JAKMIP1: variants seen among roughly 807,000 people sequenced by gnomAD.
JAKMIP1 encodes the protein janus kinase and microtubule-interacting protein 1.
JAKMIP1 carries 33 observed loss-of-function variants against 113.0 expected under a neutral mutation model. The ratio of observed to expected loss-of-function variants is 0.29; its 90% CI spans 0.22 to 0.39. JAKMIP1 has a LOEUF of 0.39. Among genes scored for constraint, JAKMIP1 ranks in the 10% least tolerant of loss-of-function variants. The pLI, the probability that JAKMIP1 is intolerant of heterozygous loss-of-function variation, is 1.00. For missense variants in JAKMIP1, 813 were observed against 1,080.5 expected (o/e 0.75, Z 3.47); for synonymous variants, 480 against 459.9 (o/e 1.04, Z -0.56).
At chr4:6,045,014 G>C (rs1277270675) in intron 16 of JAKMIP1, among the ~76,000 whole-genome samples, 1 of 152,238 alleles carries the variant, frequency 6.6e-6, no homozygotes, top group Admixed American at 6.5e-5. Context: ...GCATGCTGCA[G>C]GGTGGGGGCT....
Position 6,049,981 on chromosome 4 carries a change from C to A in JAKMIP1, c.1909-109G>T. On this transcript the variant is annotated intron_variant, in intron 14 of 20. Coordinates refer to ENST00000409021, the MANE Select transcript of JAKMIP1 (RefSeq NM_001099433.2). This position sits in a 1 kb window ranked among gnomAD's most constrained non-coding sequence, Gnocchi z 7.0. ...GACAAGACACCGCGCTCTTTCTTTT[C>A]TTTTCTGGCCAAGTTTTGCGCCCAG... 2 of 752,976 alleles carry A rather than the reference C, an allele frequency of 2.7e-6. No homozygotes were observed. The allele number at this position is 752,976 out of a possible 1,614,324, so 46.6% of individuals were successfully genotyped here. A position where few individuals can be genotyped will look rare whatever the true frequency, so the allele number is the denominator to read the frequency against.
chr4:6,181,784 C>T lies in JAKMIP1; in HGVS notation c.-148+18469G>A, dbSNP rs920292179. On this transcript the variant is annotated intron_variant, in intron 1 of 20. Transcript: ENST00000409021. The surrounding 1 kb of genome is among the most constrained non-coding windows in gnomAD (Gnocchi z 5.4). ...TGTGCTGAGCCTCAAACATGAATCT[C>T]ACACAGCCCCTTCCCTCACAGAGCT... Among the ~76,000 whole-genome samples the T allele has an allele frequency of 6.6e-6, 1 of 152,184 alleles. No homozygotes were observed. Among genetic ancestry groups the T allele is most frequent in the Non-Finnish European group, 1.5e-5 (1 of 68,032 alleles).
intron 2 of JAKMIP1, 25 bp from the exon 3 acceptor site, chr4:6,105,992 C>CGGTCAGGGTCAG (rs557350431): frequency 2.7e-6 from 4 of 1,502,632 alleles, no homozygotes; most frequent in African/African-American, 1.4e-5. Flanking sequence ...GCGAGAGAGC[C>CGGTCAGGGTCAG]GGTCAGGGTC....
intron 8 of JAKMIP1, among the ~76,000 whole-genome samples, chr4:6,073,827 C>T (rs1451100922): frequency 2.6e-5 from 4 of 152,234 alleles, no homozygotes; most frequent in African/African-American, 7.2e-5. Flanking sequence ...AATGATGGGT[C>T]CTTCTTTCAA....
Position 6,106,030 on chromosome 4 carries a change from GT to G in JAKMIP1, c.130-64del. On this transcript the variant is annotated intron_variant, in intron 2 of 20. Coordinates refer to ENST00000409021, the MANE Select transcript of JAKMIP1 (RefSeq NM_001099433.2). This position sits in a 1 kb window ranked among gnomAD's most constrained non-coding sequence, Gnocchi z 5.9. Reference sequence around the variant, plus strand: ...GGTCAGGGTCAGGGTCAGGGTCAGGGTCACAGCTGGGGGAGCTGGCCACAGC... The same window carrying G: ...GGTCAGGGTCAGGGTCAGGGTCAGGGCACAGCTGGGGGAGCTGGCCACAGC... The G allele has an allele frequency of 8.4e-7, 1 of 1,188,254 alleles. No homozygotes were observed. Among genetic ancestry groups the G allele is most frequent in the Non-Finnish European group, 1.2e-6 (1 of 850,050 alleles). 73.6% of individuals were successfully genotyped at this position (1,188,254 alleles called of 1,614,324 possible). A position where few individuals can be genotyped will look rare whatever the true frequency, so the allele number is the denominator to read the frequency against.
At position 6,112,859 on chromosome 4, in the gene JAKMIP1, T is replaced by G; in HGVS notation, c.-9A>C. The G allele has an allele frequency of 3.1e-6, 5 of 1,613,098 alleles. No individual in the cohort carries two copies. The highest frequency in any genetic ancestry group is 4.2e-6 in the Non-Finnish European group (5 of 1,179,724). On this transcript the variant is annotated 5_prime_UTR_variant, in exon 2 of 21. Coordinates refer to ENST00000409021, the MANE Select transcript of JAKMIP1 (RefSeq NM_001099433.2). ...CGGCCTTTCTTCGACATGCTTCCCC[T>G]TGGGTCAGAGTGCTGAGATCCTGCG...
At position 6,064,861 on chromosome 4, in the gene JAKMIP1, T is replaced by C; in HGVS notation, c.1431+19A>G. ...GAGCATCTGGGGTGAGGTCCCGCCC[T>C]CTCTGCAGGTTTGCTTACATCGTCC... On this transcript the variant is annotated intron_variant, in intron 9 of 20. Transcript: ENST00000409021. The surrounding 1 kb of genome is among the most constrained non-coding windows in gnomAD (Gnocchi z 4.3). 4 of 1,613,750 alleles carry C rather than the reference T, an allele frequency of 2.5e-6. No individual in the cohort carries two copies. Among genetic ancestry groups the C allele is most frequent in the South Asian group, 2.2e-5 (2 of 91,032 alleles).
intron 1 of JAKMIP1, among the ~76,000 whole-genome samples, chr4:6,177,466 A>G (rs1465641416): frequency 6.6e-6 from 1 of 152,198 alleles, no homozygotes; most frequent in Non-Finnish European, 1.5e-5. Flanking sequence ...CATGTTTGCC[A>G]CGGCTTCTGC....
At chr4:6,118,327 C>G (rs1045981417) in intron 1 of JAKMIP1, among the ~76,000 whole-genome samples, 3 of 152,084 alleles carry the variant, frequency 2.0e-5, no homozygotes, top group Admixed American at 1.3e-4. Context: ...GAAATGGGTC[C>G]CTGCCTGTCA....
rs1018923344 is a variant in JAKMIP1 at position 6,076,205 on chromosome 4, A to C, written c.1302+2734T>G. ...AAAAATTAGTAAATAAATAAAAAAT[A>C]AAATAAACAAACAAACAAATAAATA... On this transcript the variant is annotated intron_variant, in intron 8 of 20. Transcript: ENST00000409021. This position sits in a 1 kb window ranked among gnomAD's most constrained non-coding sequence, Gnocchi z 4.8. 7.9e-5 allele frequency among the ~76,000 whole-genome samples: 12 copies of C among 152,250 alleles called. No individual in the cohort carries two copies. Among genetic ancestry groups the C allele is most frequent in the African/African-American group, 2.9e-4 (12 of 41,518 alleles).
At chr4:6,109,345 G>T (rs775495094) in intron 2 of JAKMIP1, among the ~76,000 whole-genome samples, 2 of 151,818 alleles carry the variant, frequency 1.3e-5, no homozygotes, top group Non-Finnish European at 2.9e-5. Flanking sequence ...GTGTTAGCCA[G>T]GATGGTCTCG....
At chr4:6,115,923 G>A (rs1191444232) in intron 1 of JAKMIP1, among the ~76,000 whole-genome samples, 3 of 152,096 alleles carry the variant, frequency 2.0e-5, no homozygotes, top group East Asian at 1.9e-4. Context: ...TCAGCTCCTC[G>A]GGGTCAGAAC....
chr4:6,043,966 C>T (rs1398501587), intron 16 of JAKMIP1, among the ~76,000 whole-genome samples: 1 of 152,086 alleles, frequency 6.6e-6, no homozygotes, highest in Non-Finnish European at 1.5e-5. Context: ...CTACACAGAG[C>T]TCCTCGAACA....
rs894340905 is a variant in JAKMIP1 at position 6,154,203 on chromosome 4, C to T, written c.-147-41206G>A. ...AAGACAGAGCGGAGCTGGACACAGGCGGAGGCTGAAGAAACAAGCAAATCA... is the reference window on the plus strand; with the variant it reads ...AAGACAGAGCGGAGCTGGACACAGGTGGAGGCTGAAGAAACAAGCAAATCA... On this transcript the variant is annotated intron_variant, in intron 1 of 20. Coordinates refer to ENST00000409021, the MANE Select transcript of JAKMIP1 (RefSeq NM_001099433.2). The surrounding 1 kb of genome is among the most constrained non-coding windows in gnomAD (Gnocchi z 4.2). Among the ~76,000 whole-genome samples the T allele has an allele frequency of 1.3e-5, 2 of 152,178 alleles. No individual in the cohort carries two copies. The highest frequency in any genetic ancestry group is 4.8e-5 in the African/African-American group (2 of 41,440).
At chr4:6,149,697 G>GT (rs1458996095) in intron 1 of JAKMIP1, among the ~76,000 whole-genome samples, 1 of 152,060 alleles carries the variant, frequency 6.6e-6, no homozygotes, top group Non-Finnish European at 1.5e-5. Context: ...TCCCTGCAGG[G>GT]TTTTTTTCTT....
rs550729169 is a variant in JAKMIP1, at chr4:6,116,093, C to T, written c.-147-3096G>A. On this transcript the variant is annotated intron_variant, in intron 1 of 20. Coordinates refer to ENST00000409021, the MANE Select transcript of JAKMIP1 (RefSeq NM_001099433.2). The surrounding 1 kb of genome is among the most constrained non-coding windows in gnomAD (Gnocchi z 5.1). Reference sequence around the variant, plus strand: ...GGCTGGGCCACAGTGAGTGTGGAGACGAATGGAGTGCAGGAGGGGAAGATG... The same window carrying T: ...GGCTGGGCCACAGTGAGTGTGGAGATGAATGGAGTGCAGGAGGGGAAGATG... Among the ~76,000 whole-genome samples, 10 of 152,148 alleles carry T rather than the reference C, an allele frequency of 6.6e-5. No individual in the cohort carries two copies. In the East Asian group the frequency reaches 9.7e-4, roughly 15 times the overall value.
At chr4:6,134,227 C>CT (rs1255935058) in intron 1 of JAKMIP1, among the ~76,000 whole-genome samples, 1 of 152,196 alleles carries the variant, frequency 6.6e-6, no homozygotes, top group Non-Finnish European at 1.5e-5. Flanking sequence ...AAGACATGCC[C>CT]TTTCCCCTTC....
At chr4:6,121,462 G>T (rs1264106139) in intron 1 of JAKMIP1, among the ~76,000 whole-genome samples, 1 of 152,240 alleles carries the variant, frequency 6.6e-6, no homozygotes, top group African/African-American at 2.4e-5. Flanking sequence ...CCAGGCATCA[G>T]GAGGGCAAAA....
At chr4:6,034,899 C>G (rs577621429) in intron 19 of JAKMIP1, among the ~76,000 whole-genome samples, 1 of 152,252 alleles carries the variant, frequency 6.6e-6, no homozygotes, top group South Asian at 2.1e-4. Flanking sequence ...GCAGATGAGC[C>G]TCCATAATGT....
Sources: gnomAD v4.1 joint callset for allele counts (sites outside exome capture counted in the v4.1 genomes callset) on GRCh38, gnomAD v4.1.1 for gene constraint, Gnocchi (gnomAD v3.1) non-coding constraint, MANE v1.5 for transcripts, NCBI Gene and HGNC (gene_info 2026-07-23, HGNC 2026-07-21) for gene names.